GTF2F2: variants seen among roughly 807,000 people sequenced by gnomAD.
The protein encoded by GTF2F2 is ATP-dependent helicase GTF2F2.
In GTF2F2, 23 loss-of-function variants were observed where a neutral mutation model predicts 42.2. The ratio of observed to expected loss-of-function variants is 0.55; its 90% confidence interval spans 0.39 to 0.77. The LOEUF (loss-of-function observed/expected upper bound fraction) is 0.77, where lower values mean the gene tolerates loss of function less well. Among genes scored for constraint, GTF2F2 ranks in the 30% least tolerant of loss-of-function variants. The pLI is 0.00. For missense variants in GTF2F2, 261 were observed against 287.2 expected (o/e 0.91, Z 0.66); for synonymous variants, 105 against 100.8 (o/e 1.04, Z -0.25).
chr13:45,143,935 G>A (rs1448784327), intron 2 of GTF2F2, among the ~76,000 whole-genome samples: 1 of 152,160 alleles, frequency 6.6e-6, no homozygotes, highest in Non-Finnish European at 1.5e-5. Flanking sequence ...GACATCTGAT[G>A]TGTGCCACAT....
At chr13:45,120,796 C>T (rs1868589569) in intron 1 of GTF2F2, 75 bp downstream of exon 1, 3 of 1,071,980 alleles carry the variant, frequency 2.8e-6, no homozygotes, top group Non-Finnish European at 4.2e-6. Flanking sequence ...CTATCCCGCT[C>T]CGTGCGCCTC....
chr13:45,244,730 G>A (rs924895223), intron 5 of GTF2F2, among the ~76,000 whole-genome samples: 3 of 152,154 alleles, frequency 2.0e-5, no homozygotes, highest in Admixed American at 2.0e-4. Flanking sequence ...GCGTGCAGTG[G>A]CACAATCTTG....
intron 4 of GTF2F2, among the ~76,000 whole-genome samples, chr13:45,153,958 CAG>C (rs1335694390): frequency 8.3e-6 from 1 of 119,804 alleles, no homozygotes; most frequent in Non-Finnish European, 1.6e-5. Flanking sequence ...GCCTGGGCAA[CAG>C]AGGGAGACTC....
At chr13:45,146,187 G>C (rs982715461) in intron 2 of GTF2F2, among the ~76,000 whole-genome samples, 3 of 152,042 alleles carry the variant, frequency 2.0e-5, no homozygotes, top group Admixed American at 2.0e-4. Flanking sequence ...GTTCAGTTAG[G>C]GGAAGTATGA....
intron 5 of GTF2F2, among the ~76,000 whole-genome samples, chr13:45,223,897 A>G (rs147269461): frequency 2.2e-4 from 33 of 152,300 alleles, no homozygotes; most frequent in African/African-American, 7.7e-4. Context: ...ATTCTAGAGG[A>G]GTAAGTTATT....
chr13:45,255,577 A>G (rs1305221018), intron 6 of GTF2F2, among the ~76,000 whole-genome samples: 1 of 152,234 alleles, frequency 6.6e-6, no homozygotes, highest in Non-Finnish European at 1.5e-5. Context: ...TTTCTGACTT[A>G]GATAAATAGA....
chr13:45,225,647 A>G (rs1396324921), intron 5 of GTF2F2, among the ~76,000 whole-genome samples: 4 of 151,468 alleles, frequency 2.6e-5, no homozygotes, highest in Admixed American at 6.6e-5. Context: ...GCCTTGGCCT[A>G]TGACAAGCTG....
In GTF2F2 at chr13:45,280,873, A is replaced by G. The variant is rs1877233727; in HGVS notation, c.631-2569A>G. 2.6e-5 allele frequency among the ~76,000 whole-genome samples: 4 copies of G among 152,240 alleles called. No individual in the cohort carries two copies. The South Asian group carries it at 6.2e-4, about 24-fold the overall frequency. On this transcript the variant is annotated intron_variant, in intron 7 of 7. Coordinates refer to ENST00000340473, the MANE Select transcript of GTF2F2 (RefSeq NM_004128.3). ...CTGGCAATTGTTCTTTTCATTTTTG[A>G]CCCATTGCAGTGCATCCACAATTGT... is the stretch of plus-strand genomic sequence containing the variant.
At chr13:45,266,977 G>A (rs112234233) in intron 6 of GTF2F2, among the ~76,000 whole-genome samples, 2,299 of 152,154 alleles carry the variant, frequency 0.015, 32 homozygotes, top group Non-Finnish European at 0.025. Context: ...GTGAAACCCC[G>A]TCTCTACCAA....
chr13:45,233,199 C>T (rs1874775190), intron 5 of GTF2F2, among the ~76,000 whole-genome samples: 1 of 152,108 alleles, frequency 6.6e-6, no homozygotes. Flanking sequence ...TATGATTGTG[C>T]CTGCGAAAAG....
chr13:45,274,204 A>G (rs540930407), intron 7 of GTF2F2, among the ~76,000 whole-genome samples: 2 of 152,150 alleles, frequency 1.3e-5, no homozygotes, highest in African/African-American at 2.4e-5. Context: ...TTTATTGGAT[A>G]TATTACATTA....
chr13:45,141,454 G>A (rs1356936753), intron 2 of GTF2F2, among the ~76,000 whole-genome samples: 1 of 152,106 alleles, frequency 6.6e-6, no homozygotes, highest in Non-Finnish European at 1.5e-5. Flanking sequence ...GTTTCCCTAT[G>A]CAATTATTAA....
chr13:45,274,362 T>C (rs1876932758), intron 7 of GTF2F2, among the ~76,000 whole-genome samples: 1 of 142,754 alleles, frequency 7.0e-6, no homozygotes, highest in Admixed American at 7.1e-5. Flanking sequence ...AGTCTCGCTC[T>C]GTCACCCAGG....
chr13:45,140,467 A>G (rs1174713844), intron 2 of GTF2F2, among the ~76,000 whole-genome samples: 1 of 152,186 alleles, frequency 6.6e-6, no homozygotes. Flanking sequence ...ACTTTGTACA[A>G]GTCACTGAAT....
At chr13:45,234,281 G>T (rs775453199) in intron 5 of GTF2F2, among the ~76,000 whole-genome samples, 1 of 152,174 alleles carries the variant, frequency 6.6e-6, no homozygotes, top group Admixed American at 6.5e-5. Flanking sequence ...CTTGCATTTT[G>T]TAGTTTTTAT....
At chr13:45,258,837 T>C (rs1302384355) in intron 6 of GTF2F2, among the ~76,000 whole-genome samples, 1 of 152,222 alleles carries the variant, frequency 6.6e-6, no homozygotes, top group Non-Finnish European at 1.5e-5. Flanking sequence ...ATGCTTTTAA[T>C]TTTTTGCTCA....
chr13:45,234,049 G>T (rs552599220), intron 5 of GTF2F2, among the ~76,000 whole-genome samples: 92 of 152,244 alleles, frequency 6.0e-4, no homozygotes, highest in Non-Finnish European at 1.2e-3. Context: ...TGCAAAGATG[G>T]CCATAAGCAA....
rs1869644561 is a variant in GTF2F2, at chr13:45,136,726, G to A, written c.67-7G>A. On this transcript the variant is annotated splice_region_variant and splice_polypyrimidine_tract_variant and intron_variant, in intron 1 of 7. Coordinates refer to ENST00000340473, the MANE Select transcript of GTF2F2 (RefSeq NM_004128.3). Reference sequence around the variant, plus strand: ...AATAGACTTATTAGTGTTTTACTTTGTTTTAGGTTCCTAAATATTTGTCAC... The same window carrying A: ...AATAGACTTATTAGTGTTTTACTTTATTTTAGGTTCCTAAATATTTGTCAC... The A allele has an allele frequency of 6.6e-7, 1 of 1,523,522 alleles. No homozygotes were observed. The highest frequency in any genetic ancestry group is 9.1e-7 in the Non-Finnish European group (1 of 1,102,548). 94.4% of individuals were successfully genotyped at this position (1,523,522 alleles called of 1,614,324 possible). A position where few individuals can be genotyped will look rare whatever the true frequency, so the allele number is the denominator to read the frequency against.
chr13:45,145,477 T>C (rs1870146512), intron 2 of GTF2F2, among the ~76,000 whole-genome samples: 3 of 152,132 alleles, frequency 2.0e-5, no homozygotes, highest in Admixed American at 6.5e-5. Flanking sequence ...TCCAAGGCCT[T>C]CTCAGTGAAC....
Sources: gnomAD v4.1 joint callset for allele counts (sites outside exome capture counted in the v4.1 genomes callset) on GRCh38, gnomAD v4.1.1 for gene constraint, MANE v1.5 for transcripts, NCBI Gene and HGNC (gene_info 2026-07-23, HGNC 2026-07-21) for gene names.